The following CAVIN4 variants were observed in gnomAD, a reference collection of about 807,000 sequenced individuals.
CAVIN4 encodes the protein caveolae-associated protein 4.
A neutral mutation model predicts 18.6 loss-of-function variants in CAVIN4; 10 were observed. That is an observed-to-expected ratio of 0.54 (90% CI 0.33 to 0.91). The LOEUF is 0.91. Ranked by LOEUF, CAVIN4 falls within the 40% of genes least tolerant of loss-of-function variation. CAVIN4 has a pLI of 0.02. For synonymous variants in CAVIN4, 173 were observed against 164.8 expected (o/e 1.05, Z -0.38); for missense variants, 459 against 440.5 (o/e 1.04, Z -0.38).
At position 100,587,539 on chromosome 9, in the gene CAVIN4, T is replaced by C. The variant is rs1309091502; in HGVS notation, c.*1088T>C. The C allele has an allele frequency of 6.6e-6, 1 of 152,196 alleles. No homozygotes were observed. Among genetic ancestry groups the C allele is most frequent in the Non-Finnish European group, 1.5e-5 (1 of 68,036 alleles). 9.4% of individuals were successfully genotyped at this position (152,196 alleles called of 1,614,324 possible). A position where few individuals can be genotyped will look rare whatever the true frequency, so the allele number is the denominator to read the frequency against. On this transcript the variant is annotated 3_prime_UTR_variant, in exon 2 of 2. Transcript: ENST00000307584. ...TTGGGAGGAAGCCAGATTCTCCTTA[T>C]CTTTTAGCTTTAGATCGTGGAATCC...
In CAVIN4 at chr9:100,578,434, T is replaced by C; in HGVS notation, c.291T>C (p.Ser97=). 6.2e-7 allele frequency: 1 copy of C among 1,614,104 alleles called. No homozygotes were observed. Among genetic ancestry groups the C allele is most frequent in the South Asian group, 1.1e-5 (1 of 91,080 alleles). The change falls in exon 1 of 2, where the codon AGT becomes AGC. Residue 97 remains serine, a synonymous_variant. Coordinates refer to ENST00000307584, the MANE Select transcript of CAVIN4 (RefSeq NM_001018116.2). Reference sequence around the variant, plus strand: ...TGTTTGAGAAAACCCGAAAAGTTAGTGCTCACATTAAAGATGTGAAAGCCC... The same window carrying C: ...TGTTTGAGAAAACCCGAAAAGTTAGCGCTCACATTAAAGATGTGAAAGCCC... ...NKLFEKTRKV[S]AHIKDVKARV...
At position 100,578,267 on chromosome 9, in the gene CAVIN4, T is replaced by G; in HGVS notation, c.124T>G (p.Ser42Ala). The G allele has an allele frequency of 2.5e-6, 4 of 1,614,012 alleles. No homozygotes were observed. The highest frequency in any genetic ancestry group is 3.4e-6 in the Non-Finnish European group (4 of 1,179,970). The change falls in exon 1 of 2, where the codon TCC becomes GCC. Residue 42 changes from serine (S) to alanine (A), a missense_variant. Ser to Ala is a moderately conservative substitution (Grantham distance 99, BLOSUM62 1). Coordinates refer to ENST00000307584, the MANE Select transcript of CAVIN4 (RefSeq NM_001018116.2). ...TIVTVLDKVA[S>A]IVDSVQASQK... ...TGTGACTGTGCTGGACAAAGTAGCC[T>G]CCATCGTGGACAGTGTGCAGGCAAG...
intron 1 of CAVIN4, among the ~76,000 whole-genome samples, chr9:100,583,611 CCATTTATTCATT>C (rs371739873): frequency 3.8e-4 from 55 of 143,828 alleles, no homozygotes; most frequent in Non-Finnish European, 5.9e-4. Context: ...CTCCTGCAAG[CCATTTATTCATT>C]CATTCATTCA....
rs1554691030 is a variant in CAVIN4, at chr9:100,582,336, T to TTTTCTC, written c.409-3428_409-3427insTTCTCT. On this transcript the variant is annotated intron_variant, in intron 1 of 1. Transcript: ENST00000307584. ...ACACATTTGACACGATTGGACCTCT[T>TTTTCTC]TCTCTCTCTCTCTCTCTCTCTTTTA... Among the ~76,000 whole-genome samples, 679 of 145,634 alleles carry TTTTCTC rather than the reference T, an allele frequency of 4.7e-3. 4 individuals are homozygous for TTTTCTC. Among genetic ancestry groups the TTTTCTC allele is most frequent in the African/African-American group, 0.016 (651 of 39,562 alleles).
In CAVIN4 at chr9:100,578,546, T is replaced by C. The variant is rs1411310483; in HGVS notation, c.403T>C (p.Phe135Leu). 6.2e-7 allele frequency: 1 copy of C among 1,612,984 alleles called. No individual in the cohort carries two copies. The highest frequency in any genetic ancestry group is 1.1e-5 in the South Asian group (1 of 91,046). The change falls in exon 1 of 2, where the codon TTC (phenylalanine) becomes CTC (leucine). Residue 135 changes from phenylalanine to leucine, a missense_variant. Transcript: ENST00000307584. ...MKKNKFRVVIFQEKFRCPTSL... is the reference protein window; with the variant it reads ...MKKNKFRVVILQEKFRCPTSL... Reference sequence around the variant, plus strand: ...GAAAAACAAATTCCGCGTGGTAATATTCCAGGTAAGCTTGCACTTGTGTTC... The same window carrying C: ...GAAAAACAAATTCCGCGTGGTAATACTCCAGGTAAGCTTGCACTTGTGTTC...
intron 1 of CAVIN4, chr9:100,581,057 T>C (rs909243896): frequency 6.6e-6 from 1 of 152,218 alleles, no homozygotes; most frequent in African/African-American, 2.4e-5. Context: ...TCTTATACAT[T>C]TATTATTTCT....
At chr9:100,579,094 A>G (rs1445606321) in intron 1 of CAVIN4, among the ~76,000 whole-genome samples, 2 of 152,222 alleles carry the variant, frequency 1.3e-5, no homozygotes, top group African/African-American at 4.8e-5. Flanking sequence ...TTTCCAATGA[A>G]CAATGAGGCA....
chr9:100,578,392 G>T lies in CAVIN4; in HGVS notation c.249G>T (p.Gly83=). The change falls in exon 1 of 2, where the codon GGG becomes GGT. Residue 83 remains glycine (G), a synonymous_variant. Transcript: ENST00000307584. The part of the protein sequence containing the change: ...LKLSQSHSNT[G]HIINKLFEKT... ...TTTCACAGTCGCATAGCAATACAGGGCATATCATTAACAAATTGTTTGAGA... is the reference window on the plus strand; with the variant it reads ...TTTCACAGTCGCATAGCAATACAGGTCATATCATTAACAAATTGTTTGAGA... The T allele has an allele frequency of 5.0e-6, 8 of 1,614,114 alleles. No homozygotes were observed. Among genetic ancestry groups the T allele is most frequent in the Middle Eastern group, 3.3e-4 (2 of 6,062 alleles).
At chr9:100,583,616 TATTC>T (rs143666288) in intron 1 of CAVIN4, among the ~76,000 whole-genome samples, 20,218 of 141,772 alleles carry the variant, frequency 0.14, 1,525 homozygotes, top group East Asian at 0.21. Flanking sequence ...GCAAGCCATT[TATTC>T]ATTCATTCAT....
rs1202400457 is a variant in CAVIN4, at chr9:100,578,568, G to A, written c.408+17G>A. 6.2e-7 allele frequency: 1 copy of A among 1,612,084 alleles called. No homozygotes were observed. The highest frequency in any genetic ancestry group is 1.7e-5 in the Admixed American group (1 of 59,992). ...ATATTCCAGGTAAGCTTGCACTTGTGTTCAGCTTGCTTGTTCTAATCTCTT... is the reference window on the plus strand; with the variant it reads ...ATATTCCAGGTAAGCTTGCACTTGTATTCAGCTTGCTTGTTCTAATCTCTT... On this transcript the variant is annotated intron_variant, in intron 1 of 1. Transcript: ENST00000307584.
intron 1 of CAVIN4, among the ~76,000 whole-genome samples, chr9:100,580,871 A>G: frequency 6.6e-6 from 1 of 152,236 alleles, no homozygotes; most frequent in East Asian, 1.9e-4. Context: ...TGATTCAAAG[A>G]TTCATTAGAT....
At chr9:100,582,777 G>T (rs905185521) in intron 1 of CAVIN4, among the ~76,000 whole-genome samples, 7 of 151,898 alleles carry the variant, frequency 4.6e-5, no homozygotes, top group African/African-American at 1.7e-4. Flanking sequence ...TCCATGCTCT[G>T]TAACACCCAT....
chr9:100,582,320 A>C (rs1839437454), intron 1 of CAVIN4, among the ~76,000 whole-genome samples: 1 of 149,284 alleles, frequency 6.7e-6, no homozygotes, highest in Admixed American at 6.8e-5. Flanking sequence ...GACACATTTG[A>C]CACGATTGGA....
chr9:100,580,641 C>G (rs575810640), intron 1 of CAVIN4, among the ~76,000 whole-genome samples: 1 of 152,234 alleles, frequency 6.6e-6, no homozygotes, highest in South Asian at 2.1e-4. Context: ...TGTTTAGTCC[C>G]TGTAACTTAC....
chr9:100,586,361 C>T lies in CAVIN4; in HGVS notation c.1005C>T (p.Pro335=), dbSNP rs565406194. The change falls in exon 2 of 2, where the codon CCC becomes CCT. Residue 335 remains proline, a synonymous_variant. Transcript: ENST00000307584. The part of the protein sequence containing the change: ...VYPPHEGREI[P]TPEPLKVTFK... ...CTCCCCATGAAGGAAGGGAAATCCC[C>T]ACCCCCGAGCCTTTAAAAGTTACTT... 1.2e-5 allele frequency: 19 copies of T among 1,613,946 alleles called. No homozygotes were observed. Among genetic ancestry groups the T allele is most frequent in the Non-Finnish European group, 1.6e-5 (19 of 1,180,018 alleles).
rs777061909 is a variant in CAVIN4, at chr9:100,578,154, A to G, written c.11A>G (p.Asn4Ser). Reference sequence around the variant, plus strand: ...TGAGAAATAAATAAAATGGAACATAATGGGTCTGCTTCAAATGCTGATAAA... The same window carrying G: ...TGAGAAATAAATAAAATGGAACATAGTGGGTCTGCTTCAAATGCTGATAAA... MEH[N>S]GSASNADKIH... Residue 4 changes from asparagine (N) to serine (S), a missense_variant, in exon 1 of 2, where the codon AAT becomes AGT. Asn to Ser is a conservative substitution (Grantham distance 46, BLOSUM62 1). Coordinates refer to ENST00000307584, the MANE Select transcript of CAVIN4 (RefSeq NM_001018116.2). 1 of 1,613,924 alleles carries G rather than the reference A, an allele frequency of 6.2e-7. No individual in the cohort carries two copies. Among genetic ancestry groups the G allele is most frequent in the Non-Finnish European group, 8.5e-7 (1 of 1,179,880 alleles).
chr9:100,581,044 A>G (rs759470871), intron 1 of CAVIN4: 1 of 152,212 alleles, frequency 6.6e-6, no homozygotes, highest in Non-Finnish European at 1.5e-5. Context: ...ATTACCTGCT[A>G]TTTCTTATAC....
At chr9:100,581,041 G>A (rs1331028677) in intron 1 of CAVIN4, 2 of 152,130 alleles carry the variant, frequency 1.3e-5, no homozygotes, top group Admixed American at 6.6e-5. Context: ...AAAATTACCT[G>A]CTATTTCTTA....
At chr9:100,578,606 T>A in intron 1 of CAVIN4, 55 bp downstream of exon 1, 6 of 1,562,324 alleles carry the variant, frequency 3.8e-6, no homozygotes, top group Middle Eastern at 1.7e-4. Flanking sequence ...ATCTTTTAAT[T>A]GCCAAAAGTC....
Sources: gnomAD v4.1 joint callset for allele counts (sites outside exome capture counted in the v4.1 genomes callset) on GRCh38, gnomAD v4.1.1 for gene constraint, MANE v1.5 for transcripts, NCBI Gene and HGNC (gene_info 2026-07-23, HGNC 2026-07-21) for gene names.